Variants in ATP8A2 observed in about 807,000 individuals in gnomAD.
The protein encoded by ATP8A2 is phospholipid-transporting ATPase IB.
ATP8A2 carries 100 observed loss-of-function variants against 165.6 expected under a neutral mutation model. The ratio of observed to expected loss-of-function variants is 0.60; its 90% CI spans 0.51 to 0.71. The LOEUF (loss-of-function observed/expected upper bound fraction) is 0.71, where lower values mean the gene tolerates loss of function less well. ATP8A2 is among the 30% of genes least tolerant of loss of function. The pLI, the probability that ATP8A2 is intolerant of heterozygous loss-of-function variation, is 0.00. For missense variants in ATP8A2, 1,227 were observed against 1,479.5 expected, an observed-to-expected ratio of 0.83 and a Z score of 2.80; for synonymous variants, 543 against 548.8, an observed-to-expected ratio of 0.99 and a Z score of 0.15.
At chr13:25,634,534 A>C (rs947282746) in intron 24 of ATP8A2, among the ~76,000 whole-genome samples, 1 of 152,138 alleles carries the variant, frequency 6.6e-6, no homozygotes, top group Non-Finnish European at 1.5e-5. Context: ...AGTTTGTCTT[A>C]AGCCTTTTAA....
At chr13:25,627,133 T>C (rs2137489992) in intron 24 of ATP8A2, among the ~76,000 whole-genome samples, 1 of 152,052 alleles carries the variant, frequency 6.6e-6, no homozygotes, top group Non-Finnish European at 1.5e-5. Flanking sequence ...GGCCTGAGAC[T>C]CCAGGAGAAT....
chr13:25,970,103 T>C (rs186875819), intron 35 of ATP8A2, among the ~76,000 whole-genome samples: 20 of 152,326 alleles, frequency 1.3e-4, no homozygotes, highest in African/African-American at 4.3e-4. Flanking sequence ...AACCGTTAAG[T>C]TTAGTAAGGA....
chr13:25,735,582 GA>G (rs55780036), intron 25 of ATP8A2, among the ~76,000 whole-genome samples: 2 of 150,950 alleles, frequency 1.3e-5, no homozygotes, highest in African/African-American at 2.4e-5. Flanking sequence ...TCTTATGTTA[GA>G]AAAAAAAACT....
At chr13:25,546,440 A>G (rs1212632898) in intron 10 of ATP8A2, among the ~76,000 whole-genome samples, 1 of 152,132 alleles carries the variant, frequency 6.6e-6, no homozygotes, top group Non-Finnish European at 1.5e-5. Flanking sequence ...CCTGTTTGTG[A>G]AATAACATTG....
At chr13:25,521,455 C>T (rs568997320) in intron 2 of ATP8A2, among the ~76,000 whole-genome samples, 9 of 152,096 alleles carry the variant, frequency 5.9e-5, no homozygotes, top group African/African-American at 2.2e-4. Flanking sequence ...TTTGTCTAGA[C>T]CAATGTCCTG....
At chr13:25,959,806 A>G (rs1955615504) in intron 33 of ATP8A2, among the ~76,000 whole-genome samples, 2 of 152,234 alleles carry the variant, frequency 1.3e-5, no homozygotes, top group Non-Finnish European at 2.9e-5. Context: ...GGTTTCTTTG[A>G]TAGACTAGCA....
chr13:25,635,832 C>T (rs2137537206), intron 24 of ATP8A2, among the ~76,000 whole-genome samples: 1 of 152,320 alleles, frequency 6.6e-6, no homozygotes, highest in South Asian at 2.1e-4. Flanking sequence ...GACCTTTGTC[C>T]TCAAGGGGCT....
intron 25 of ATP8A2, among the ~76,000 whole-genome samples, chr13:25,730,520 T>G (rs1256861463): frequency 6.6e-6 from 1 of 152,186 alleles, no homozygotes; most frequent in Non-Finnish European, 1.5e-5. Context: ...TCAACTCTGC[T>G]TAGAGTTTAT....
In ATP8A2 at chr13:25,577,155, C is replaced by A; in HGVS notation, c.1782+17C>A. The A allele has an allele frequency of 1.2e-6, 2 of 1,610,180 alleles. No individual in the cohort carries two copies. The highest frequency in any genetic ancestry group is 1.7e-6 in the Non-Finnish European group (2 of 1,176,694). ...AAAGGGGCTGTAAGTACCGGAGAAG[C>A]GTTGTGCGTAGCGGAGTTCTTGGCA... On this transcript the variant is annotated intron_variant, in intron 20 of 36. Coordinates refer to ENST00000381655, the MANE Select transcript of ATP8A2 (RefSeq NM_016529.6).
At chr13:26,000,369 C>T (rs544274665) in intron 35 of ATP8A2, among the ~76,000 whole-genome samples, 5 of 152,328 alleles carry the variant, frequency 3.3e-5, no homozygotes, top group Admixed American at 3.3e-4. Flanking sequence ...ACTCCACACT[C>T]CCGCTCTTTG....
At chr13:25,998,181 C>A (rs550198506) in intron 35 of ATP8A2, among the ~76,000 whole-genome samples, 10 of 152,240 alleles carry the variant, frequency 6.6e-5, no homozygotes, top group African/African-American at 2.4e-4. Flanking sequence ...CTGACATCAC[C>A]CAGTGAAGAG....
intron 24 of ATP8A2, among the ~76,000 whole-genome samples, chr13:25,652,389 T>A (rs996982565): frequency 6.6e-6 from 1 of 152,212 alleles, no homozygotes; most frequent in Non-Finnish European, 1.5e-5. Flanking sequence ...CTGTGGCTCA[T>A]TGGTTCTATT....
At chr13:25,432,319 G>C (rs746324307) in intron 1 of ATP8A2, among the ~76,000 whole-genome samples, 1 of 152,152 alleles carries the variant, frequency 6.6e-6, no homozygotes. Flanking sequence ...CACGTGTTTG[G>C]GTGCTCATGG....
chr13:25,654,972 G>A (rs1372710759), intron 24 of ATP8A2, among the ~76,000 whole-genome samples: 6 of 152,156 alleles, frequency 3.9e-5, no homozygotes, highest in South Asian at 4.1e-4. Flanking sequence ...CCAGTGTACC[G>A]AAGGGTGATG....
chr13:25,612,988 C>T (rs974424902), intron 24 of ATP8A2, among the ~76,000 whole-genome samples: 2 of 151,836 alleles, frequency 1.3e-5, no homozygotes, highest in Admixed American at 1.3e-4. Flanking sequence ...TTTTTTCTAC[C>T]CCTTTACCTT....
At chr13:25,576,515 G>A (rs1482613453) in intron 19 of ATP8A2, among the ~76,000 whole-genome samples, 1 of 152,172 alleles carries the variant, frequency 6.6e-6, no homozygotes, top group African/African-American at 2.4e-5. Context: ...GGCTCGGTGA[G>A]TGAGGATGGG....
chr13:25,490,890 C>T (rs1241185534), intron 2 of ATP8A2, among the ~76,000 whole-genome samples: 4 of 151,776 alleles, frequency 2.6e-5, no homozygotes, highest in Non-Finnish European at 5.9e-5. Context: ...TATAGGCACA[C>T]GTCACCATGC....
intron 2 of ATP8A2, among the ~76,000 whole-genome samples, chr13:25,487,271 A>G (rs2036382570): frequency 6.6e-6 from 1 of 152,126 alleles, no homozygotes; most frequent in Non-Finnish European, 1.5e-5. Flanking sequence ...TTTTGTGCAT[A>G]TAAAGGTAAC....
chr13:25,920,689 G>A (rs1229900063), intron 33 of ATP8A2, among the ~76,000 whole-genome samples: 1 of 152,198 alleles, frequency 6.6e-6, no homozygotes, highest in Non-Finnish European at 1.5e-5. Flanking sequence ...GTGCTCTGAG[G>A]CTCCCATGCC....
Sources: gnomAD v4.1 joint callset for allele counts (sites outside exome capture counted in the v4.1 genomes callset) on GRCh38, gnomAD v4.1.1 for gene constraint, MANE v1.5 for transcripts, NCBI Gene and HGNC (gene_info 2026-07-23, HGNC 2026-07-21) for gene names.